The following MMP16 variants were observed in gnomAD, a reference collection of about 807,000 sequenced individuals.
The protein encoded by MMP16 is matrix metallopeptidase 16.
MMP16 carries 12 observed loss-of-function variants against 67.8 expected under a neutral mutation model. The observed-to-expected ratio is 0.18, with a 90% CI of 0.11 to 0.29. The LOEUF (loss-of-function observed/expected upper bound fraction) is 0.29. Ranked by LOEUF, MMP16 falls within the 10% of genes least tolerant of loss-of-function variation. The probability of loss-of-function intolerance (pLI) is 1.00; values close to 1 mark genes in which losing one functional copy is unlikely to be tolerated. For synonymous variants in MMP16, 249 were observed against 255.9 expected, an observed-to-expected ratio of 0.97 and a Z score of 0.26; for missense variants, 475 against 765.7, an observed-to-expected ratio of 0.62 and a Z score of 4.48.
intron 7 of MMP16, among the ~76,000 whole-genome samples, chr8:88,074,136 T>C (rs1462100856): frequency 6.6e-6 from 1 of 152,212 alleles, no homozygotes; most frequent in African/African-American, 2.4e-5. Flanking sequence ...ATGATACTGA[T>C]AATTGGATAA....
Position 88,093,156 on chromosome 8 carries a change from C to G in MMP16, c.1084-18413G>C, listed in dbSNP as rs570879598. On this transcript the variant is annotated intron_variant, in intron 6 of 9. Coordinates refer to ENST00000286614, the MANE Select transcript of MMP16 (RefSeq NM_005941.5). ...GACTGTATGTCCTGAAAACTTAACA[C>G]ATGTAACAATGTACAATATCAACTA... Among the ~76,000 whole-genome samples the G allele has an allele frequency of 1.6e-3, 236 of 151,894 alleles. 2 individuals carry two copies. Among genetic ancestry groups the G allele is most frequent in the Non-Finnish European group, 3.0e-3 (201 of 67,842 alleles).
intron 4 of MMP16, among the ~76,000 whole-genome samples, chr8:88,151,823 CACAT>C (rs1808413460): frequency 7.2e-6 from 1 of 138,240 alleles, no homozygotes; most frequent in Admixed American, 7.4e-5. Flanking sequence ...CAAGAGCAAA[CACAT>C]TCAAAAGCTA....
intron 3 of MMP16, among the ~76,000 whole-genome samples, chr8:88,172,326 T>C (rs183485476): frequency 1.1e-4 from 16 of 152,306 alleles, no homozygotes; most frequent in Non-Finnish European, 1.5e-4. Context: ...ACACATTTTA[T>C]GTAGTAAAAA....
intron 4 of MMP16, among the ~76,000 whole-genome samples, chr8:88,137,801 T>C (rs1432632174): frequency 6.6e-6 from 1 of 152,042 alleles, no homozygotes. Flanking sequence ...TCTTGATTTC[T>C]TTGTGCTTAA....
intron 1 of MMP16, among the ~76,000 whole-genome samples, chr8:88,208,642 TGA>T (rs994592842): frequency 1.3e-5 from 2 of 152,012 alleles, no homozygotes; most frequent in Non-Finnish European, 1.5e-5. Flanking sequence ...GAGAAAATCA[TGA>T]GAGTCTAGAA....
chr8:88,165,178 T>TAAAAAAAAA (rs11325157), intron 4 of MMP16, among the ~76,000 whole-genome samples: 1 of 95,258 alleles, frequency 1.0e-5, no homozygotes, highest in Non-Finnish European at 2.1e-5. Flanking sequence ...ACCCCATCTC[T>TAAAAAAAAA]AAAAAAAAAA....
intron 1 of MMP16, among the ~76,000 whole-genome samples, chr8:88,225,983 C>T (rs1809762983): frequency 6.6e-6 from 1 of 151,870 alleles, no homozygotes. Flanking sequence ...GTATGTCCCC[C>T]ATTTTTATAC....
chr8:88,127,665 TAAAGGCTGTCC>T (rs1255703610), intron 4 of MMP16, among the ~76,000 whole-genome samples: 1 of 151,900 alleles, frequency 6.6e-6, no homozygotes, highest in Non-Finnish European at 1.5e-5. Context: ...TTATAATTTT[TAAAGGCTGTCC>T]ATATAAATTT....
At chr8:88,151,757 A>C in intron 4 of MMP16, among the ~76,000 whole-genome samples, 2 of 151,728 alleles carry the variant, frequency 1.3e-5, no homozygotes, top group Non-Finnish European at 2.9e-5. Context: ...CACGAGAGAA[A>C]GCAGGAAAGA....
chr8:88,310,293 C>G (rs1472937412), intron 1 of MMP16, among the ~76,000 whole-genome samples: 1 of 151,904 alleles, frequency 6.6e-6, no homozygotes, highest in Non-Finnish European at 1.5e-5. Flanking sequence ...AAAATACTGT[C>G]ATATGATGGA....
intron 6 of MMP16, among the ~76,000 whole-genome samples, chr8:88,080,001 C>T (rs977629404): frequency 2.6e-5 from 4 of 152,196 alleles, no homozygotes; most frequent in Non-Finnish European, 5.9e-5. Context: ...CTAAGACATT[C>T]TTGTACTATC....
chr8:88,318,542 C>A (rs1247087424), intron 1 of MMP16, among the ~76,000 whole-genome samples: 1 of 152,116 alleles, frequency 6.6e-6, no homozygotes, highest in East Asian at 1.9e-4. Flanking sequence ...ATACTGGGAA[C>A]CTGGAAGTTA....
chr8:88,060,517 C>A (rs539859760), intron 7 of MMP16, among the ~76,000 whole-genome samples: 1 of 152,164 alleles, frequency 6.6e-6, no homozygotes, highest in African/African-American at 2.4e-5. Context: ...CCTTTCAGTA[C>A]GGGTGTCTTA....
intron 9 of MMP16, among the ~76,000 whole-genome samples, chr8:88,044,312 C>G (rs1370480412): frequency 6.6e-6 from 1 of 152,076 alleles, no homozygotes; most frequent in Non-Finnish European, 1.5e-5. Context: ...GAGACCCTGT[C>G]TCAGAAAACA....
chr8:88,327,265 TCCCTCCCTCC>T lies in MMP16; in HGVS notation c.-69_-60del. 3 of 1,586,426 alleles carry T rather than the reference TCCCTCCCTCC, an allele frequency of 1.9e-6. No homozygotes were observed. Among genetic ancestry groups the T allele is most frequent in the Non-Finnish European group, 2.6e-6 (3 of 1,160,688 alleles). On this transcript the variant is annotated 5_prime_UTR_variant, in exon 1 of 10. Transcript: ENST00000286614. Reference sequence around the variant, plus strand: ...CCTTCGTTTTCTCCCTCTCTCCCTCTCCCTCCCTCCCTCGTTTCCTTTCAAAAAAAAGTCC... The same window carrying T: ...CCTTCGTTTTCTCCCTCTCTCCCTCTCTCGTTTCCTTTCAAAAAAAAGTCC...
intron 4 of MMP16, among the ~76,000 whole-genome samples, chr8:88,130,933 T>C (rs1808017954): frequency 6.6e-6 from 1 of 151,770 alleles, no homozygotes; most frequent in African/African-American, 2.4e-5. Context: ...ATTAGAAATA[T>C]TGACTCAAAA....
intron 7 of MMP16, among the ~76,000 whole-genome samples, chr8:88,073,679 T>C (rs1808600099): frequency 6.6e-6 from 1 of 152,206 alleles, no homozygotes; most frequent in Non-Finnish European, 1.5e-5. Flanking sequence ...CCAAATTCCA[T>C]GTTTTCATTA....
At chr8:88,234,100 A>G (rs1809904755) in intron 1 of MMP16, among the ~76,000 whole-genome samples, 1 of 152,240 alleles carries the variant, frequency 6.6e-6, no homozygotes, top group Non-Finnish European at 1.5e-5. Context: ...TATGTGTTCA[A>G]CTTTCAGAAA....
At chr8:88,179,581 T>C (rs28589951) in intron 3 of MMP16, among the ~76,000 whole-genome samples, 36,903 of 152,126 alleles carry the variant, frequency 0.24, 4,807 homozygotes, top group Middle Eastern at 0.31. Flanking sequence ...CTAGTTTTAA[T>C]TGATCTAACA....
Sources: allele counts gnomAD v4.1 joint callset (sites outside exome capture counted in the v4.1 genomes callset), GRCh38; gene constraint gnomAD v4.1.1; transcripts MANE v1.5; gene names NCBI Gene and HGNC (gene_info 2026-07-23, HGNC 2026-07-21).